VPS9D1: variants seen among roughly 807,000 people sequenced by gnomAD.
The protein encoded by VPS9D1 is VPS9 domain containing 1.
In VPS9D1, 78 loss-of-function variants were observed where a neutral mutation model predicts 75.8. The observed-to-expected ratio is 1.03, with a 90% CI of 0.86 to 1.24. VPS9D1 has a LOEUF of 1.24. VPS9D1 is among the 50% of genes most tolerant of loss of function. VPS9D1 has a pLI of 0.00. For synonymous variants in VPS9D1, 481 were observed against 385.6 expected, an observed-to-expected ratio of 1.25 and a Z score of -2.90; for missense variants, 1,057 against 847.7, an observed-to-expected ratio of 1.25 and a Z score of -3.07.
Position 89,712,375 on chromosome 16 carries a change from C to T in VPS9D1, c.606+85G>A. Reference sequence around the variant, plus strand: ...GTACCCCGACCCCGGAACCTCCGCTCCCCTCGCTGCCCCCTTCTCTGCCCT... The same window carrying T: ...GTACCCCGACCCCGGAACCTCCGCTTCCCTCGCTGCCCCCTTCTCTGCCCT... On this transcript the variant is annotated intron_variant, in intron 6 of 14. Coordinates refer to ENST00000389386, the MANE Select transcript of VPS9D1 (RefSeq NM_004913.3). 4 of 1,579,878 alleles carry T rather than the reference C, an allele frequency of 2.5e-6. No individual in the cohort carries two copies. The South Asian group carries it at 3.4e-5, about 13-fold the overall frequency.
rs1372673836 is a variant in VPS9D1 at position 89,710,585 on chromosome 16, C to G, written c.1258+1G>C. 1.3e-6 allele frequency: 2 copies of G among 1,593,632 alleles called. No homozygotes were observed. On this transcript the variant is annotated splice_donor_variant, in intron 10 of 14. Coordinates refer to ENST00000389386, the MANE Select transcript of VPS9D1 (RefSeq NM_004913.3). LOFTEE classifies it high-confidence loss of function. ...CTCTCCCAGGGAGGGCCTGGCCTCA[C>G]CTACGGCATTGTGGATCTCCTCCAC...
chr16:89,711,095 GA>G (rs1243191928), intron 9 of VPS9D1, 85 bp from the exon 10 acceptor site: 2 of 1,353,094 alleles, frequency 1.5e-6, no homozygotes, highest in African/African-American at 3.0e-5. Flanking sequence ...CGGTTTCAGA[GA>G]AGCGACTTGC....
chr16:89,720,871 C>A lies in VPS9D1; in HGVS notation c.-10G>T. On this transcript the variant is annotated 5_prime_UTR_variant, in exon 1 of 15. Transcript: ENST00000389386. Reference sequence around the variant, plus strand: ...CGGCCGCAGCGGCCATGGCGCCGAGCGGGGGAGGCGGCGGCGGTAGCCGAG... The same window carrying A: ...CGGCCGCAGCGGCCATGGCGCCGAGAGGGGGAGGCGGCGGCGGTAGCCGAG... 2 of 1,357,896 alleles carry A rather than the reference C, an allele frequency of 1.5e-6. No individual in the cohort carries two copies. The highest frequency in any genetic ancestry group is 1.9e-6 in the Non-Finnish European group (2 of 1,051,792). 84.1% of individuals were successfully genotyped at this position (1,357,896 alleles called of 1,614,324 possible). A position where few individuals can be genotyped will look rare whatever the true frequency, so the allele number is the denominator to read the frequency against.
rs1224506804 is a variant in VPS9D1 at position 89,709,099 on chromosome 16, C to G, written c.1597+128G>C. Reference sequence around the variant, plus strand: ...CCCTGGCGATGTTGCTCAGACACCACTTTTGTTCTGGTCCCCCAACCTCCC... The same window carrying G: ...CCCTGGCGATGTTGCTCAGACACCAGTTTTGTTCTGGTCCCCCAACCTCCC... On this transcript the variant is annotated intron_variant, in intron 12 of 14. Coordinates refer to ENST00000389386, the MANE Select transcript of VPS9D1 (RefSeq NM_004913.3). 7.8e-6 allele frequency: 11 copies of G among 1,416,382 alleles called. No individual in the cohort carries two copies. In the Admixed American group the frequency reaches 1.6e-4, roughly 21 times the overall value. The allele number at this position is 1,416,382 out of a possible 1,614,324, so 87.7% of individuals were successfully genotyped here.
At chr16:89,710,485 G>C in intron 10 of VPS9D1, 101 bp downstream of exon 10, 1 of 1,308,298 alleles carries the variant, frequency 7.6e-7, no homozygotes, top group Non-Finnish European at 1.0e-6. Context: ...TCTGATCAGA[G>C]TCTCTGATCA....
At position 89,711,977 on chromosome 16, in the gene VPS9D1, GAAAGGCACGCGGTGGGTGCCGGGGCCA is replaced by G; in HGVS notation, c.660-35_660-9del. ...ACTTGGCTGCAAAACCTCCTGGGGA[GAAAGGCACGCGGTGGGTGCCGGGGCCA>G]GGCCCTCCCCGCAGCGGCCCCAGGG... is the stretch of plus-strand genomic sequence containing the variant. On this transcript the variant is annotated splice_polypyrimidine_tract_variant and intron_variant, in intron 7 of 14. Transcript: ENST00000389386. 1.3e-6 allele frequency: 2 copies of G among 1,550,640 alleles called. No individual in the cohort carries two copies. Among genetic ancestry groups the G allele is most frequent in the Non-Finnish European group, 1.7e-6 (2 of 1,146,752 alleles).
chr16:89,710,903 C>T lies in VPS9D1; in HGVS notation c.941G>A (p.Cys314Tyr), dbSNP rs1190151212. ...GCTTCCGGGGTTGGGGGTCGGGGGG[C>T]AGCAGCCTGGGGCTGGCGCGGCTGC... is the stretch of plus-strand genomic sequence containing the variant. Reference protein sequence around the residue: ...SRAAAPAPGCCPPTPNPGSRR... With the variant: ...SRAAAPAPGCYPPTPNPGSRR... Residue 314 changes from cysteine (C) to tyrosine (Y), a missense_variant, in exon 10 of 15, where the codon TGC (cysteine) becomes TAC (tyrosine). Coordinates refer to ENST00000389386, the MANE Select transcript of VPS9D1 (RefSeq NM_004913.3). The T allele has an allele frequency of 2.7e-6, 4 of 1,494,292 alleles. No homozygotes were observed. The highest frequency in any genetic ancestry group is 2.2e-5 in the Admixed American group (1 of 45,462). The allele number at this position is 1,494,292 out of a possible 1,614,324, so 92.6% of individuals were successfully genotyped here. A position where few individuals can be genotyped will look rare whatever the true frequency, so the allele number is the denominator to read the frequency against.
rs1263036590 is a variant in VPS9D1 at position 89,709,904 on chromosome 16, T to A, written c.1261A>T (p.Arg421Trp). 2 of 1,607,502 alleles carry A rather than the reference T, an allele frequency of 1.2e-6. No homozygotes were observed. The highest frequency in any genetic ancestry group is 2.2e-5 in the East Asian group (1 of 44,858). ...AVEEIHNAVD[R>W]LLSLTLLAFE... ...GCCAGAAGGGTCAGCGAGAGCAGCC[T>A]GTCTGCTAGGAACAGAGCCGGGGAC... is the stretch of plus-strand genomic sequence containing the variant. Residue 421 changes from arginine (R) to tryptophan (W), a missense_variant and splice_region_variant, in exon 11 of 15, where the codon AGG (arginine) becomes TGG (tryptophan). Coordinates refer to ENST00000389386, the MANE Select transcript of VPS9D1 (RefSeq NM_004913.3).
In VPS9D1 at chr16:89,710,963, G is replaced by C. The variant is rs985111106; in HGVS notation, c.881C>G (p.Ser294Cys). ...IAQLLRRLQCSVYSALYPAVS... is the reference protein window; with the variant it reads ...IAQLLRRLQCCVYSALYPAVS... The stretch of plus-strand genomic sequence containing the variant: ...GGCGGGATACAGGGCGCTGTACACG[G>C]AGCACTGCAGCCGCCTCAGGAGCTG... The change falls in exon 10 of 15, where the codon TCC becomes TGC. Residue 294 changes from serine to cysteine, a missense_variant. Physicochemically the swap from Ser to Cys is moderately radical, Grantham distance 112. Coordinates refer to ENST00000389386, the MANE Select transcript of VPS9D1 (RefSeq NM_004913.3). 9.0e-6 allele frequency: 13 copies of C among 1,450,826 alleles called. No homozygotes were observed. The highest frequency in any genetic ancestry group is 1.1e-5 in the Non-Finnish European group (12 of 1,106,394). The allele number at this position is 1,450,826 out of a possible 1,614,324, so 89.9% of individuals were successfully genotyped here. A position where few individuals can be genotyped will look rare whatever the true frequency, so the allele number is the denominator to read the frequency against.
rs773716443 is a variant in VPS9D1 at position 89,716,710 on chromosome 16, G to A, written c.268+20C>T. 1.4e-5 allele frequency: 22 copies of A among 1,589,618 alleles called. No homozygotes were observed. Among genetic ancestry groups the A allele is most frequent in the African/African-American group, 2.7e-5 (2 of 73,910 alleles). On this transcript the variant is annotated intron_variant, in intron 3 of 14. Coordinates refer to ENST00000389386, the MANE Select transcript of VPS9D1 (RefSeq NM_004913.3). ...GCTTGGGGGATGCCCCAGGAGAGCCGCCTACTGCAGGAGACCCACCAAGCT... is the reference window on the plus strand; with the variant it reads ...GCTTGGGGGATGCCCCAGGAGAGCCACCTACTGCAGGAGACCCACCAAGCT...
At chr16:89,716,977 C>T (rs1485892438) in intron 2 of VPS9D1, 155 bp from the exon 3 acceptor site, 2 of 589,242 alleles carry the variant, frequency 3.4e-6, no homozygotes, top group Middle Eastern at 8.9e-4. Flanking sequence ...CATCCCCTCA[C>T]TGACCCTGGG....
intron 13 of VPS9D1, 89 bp from the exon 14 acceptor site, chr16:89,708,620 GGCCGCCATCTCTGT>G (rs1480184611): frequency 7.2e-7 from 1 of 1,388,092 alleles, no homozygotes; most frequent in African/African-American, 1.4e-5. Context: ...TGGCCGTGCT[GGCCGCCATCTCTGT>G]GCCCTTCTGC....
At chr16:89,711,831 G>GC in intron 8 of VPS9D1, 51 bp downstream of exon 8, 8 of 1,522,008 alleles carry the variant, frequency 5.3e-6, no homozygotes, top group South Asian at 2.4e-5. Flanking sequence ...CTCTGACCCC[G>GC]CCCCCCTCGC....
At chr16:89,711,738 C>A in intron 8 of VPS9D1, 144 bp downstream of exon 8, 1 of 1,026,378 alleles carries the variant, frequency 9.7e-7, no homozygotes, top group South Asian at 1.7e-5. Context: ...CCTCACCGGG[C>A]CCTCCCACGG....
chr16:89,712,402 G>A, intron 6 of VPS9D1, 58 bp downstream of exon 6: 2 of 1,605,576 alleles, frequency 1.2e-6, no homozygotes, highest in Admixed American at 1.7e-5. Context: ...CTCTGCCCTT[G>A]GCTCAAGGCC....
Position 89,707,725 on chromosome 16 carries a change from TG to T in VPS9D1, c.*135del. On this transcript the variant is annotated 3_prime_UTR_variant, in exon 15 of 15. Transcript: ENST00000389386. ...TGAAGAGCTGGAGAGCACACCACAG[TG>T]GACAAGCCCCCACCATGTGCAGAGC... The T allele has an allele frequency of 1.4e-6, 1 of 735,038 alleles. No individual in the cohort carries two copies. The allele number at this position is 735,038 out of a possible 1,614,324, so 45.5% of individuals were successfully genotyped here. A position where few individuals can be genotyped will look rare whatever the true frequency, so the allele number is the denominator to read the frequency against.
intron 4 of VPS9D1, among the ~76,000 whole-genome samples, chr16:89,715,029 G>C (rs1021490814): frequency 1.3e-5 from 2 of 152,118 alleles, no homozygotes; most frequent in African/African-American, 4.8e-5. Context: ...GAACACGTTA[G>C]GCTTTCCATC....
chr16:89,714,035 C>A (rs2061004891), intron 4 of VPS9D1, among the ~76,000 whole-genome samples: 1 of 152,094 alleles, frequency 6.6e-6, no homozygotes, highest in African/African-American at 2.4e-5. Context: ...CTCCTGGGTT[C>A]AAGTGATTCT....
rs979399220 is a variant in VPS9D1 at position 89,709,316 on chromosome 16, C to T, written c.1508G>A (p.Gly503Glu). ...KLLPQNPEAK[G>E]ATGYPYCAAA... ...CGCGCAGTAGGGGTAGCCAGTGGCC[C>T]CCTTGGCCTCAGGGTTCTGGGGGAG... The change falls in exon 12 of 15, where the codon GGG becomes GAG. Residue 503 changes from glycine to glutamate, a missense_variant. Transcript: ENST00000389386. 37 of 1,604,926 alleles carry T rather than the reference C, an allele frequency of 2.3e-5. No homozygotes were observed. The highest frequency in any genetic ancestry group is 3.1e-5 in the Non-Finnish European group (36 of 1,177,428).
Sources: gnomAD v4.1 joint callset for allele counts (sites outside exome capture counted in the v4.1 genomes callset) on GRCh38, gnomAD v4.1.1 for gene constraint, MANE v1.5 for transcripts, NCBI Gene and HGNC (gene_info 2026-07-23, HGNC 2026-07-21) for gene names.